Variants in PLCL1 observed in about 807,000 individuals in gnomAD.
PLCL1 encodes phospholipase C like 1 (inactive), also known as inactive phospholipase C-like protein 1.
Under a neutral mutation model 84.4 loss-of-function variants are expected in PLCL1, and 41 were observed. The ratio of observed to expected loss-of-function variants is 0.49; its 90% CI spans 0.38 to 0.63. The LOEUF (loss-of-function observed/expected upper bound fraction) is 0.63. Ranked by LOEUF, PLCL1 falls within the 30% of genes least tolerant of loss-of-function variation. PLCL1 has a pLI of 0.00. For missense variants in PLCL1, 1,206 were observed against 1,367.8 expected (o/e 0.88, Z 1.87); for synonymous variants, 490 against 488.3 (o/e 1.00, Z -0.05).
At chr2:197,892,524 G>C (rs181805426) in intron 1 of PLCL1, among the ~76,000 whole-genome samples, 1 of 152,304 alleles carries the variant, frequency 6.6e-6, no homozygotes, top group Non-Finnish European at 1.5e-5. Context: ...TAGAGAAATA[G>C]CTTCAAGCAA....
intron 3 of PLCL1, among the ~76,000 whole-genome samples, chr2:198,091,048 A>G (rs1485816189): frequency 2.6e-5 from 4 of 152,354 alleles, no homozygotes; most frequent in South Asian, 4.1e-4. Flanking sequence ...GCTACGGTGG[A>G]AGCAGAAATA....
At chr2:198,123,036 C>A (rs181004245) in intron 5 of PLCL1, among the ~76,000 whole-genome samples, 51 of 152,140 alleles carry the variant, frequency 3.4e-4, no homozygotes, top group Non-Finnish European at 5.0e-4. Flanking sequence ...GACAAGACTG[C>A]CCCACCTGGT....
At chr2:198,067,375 G>A (rs1005798189) in intron 1 of PLCL1, among the ~76,000 whole-genome samples, 12 of 151,892 alleles carry the variant, frequency 7.9e-5, no homozygotes, top group Non-Finnish European at 1.6e-4. Flanking sequence ...TGATCCACCC[G>A]CCTCGGCCTC....
intron 1 of PLCL1, among the ~76,000 whole-genome samples, chr2:197,816,164 C>T (rs1420260171): frequency 6.6e-6 from 1 of 152,012 alleles, no homozygotes; most frequent in Admixed American, 6.6e-5. Context: ...TTGCCACAGC[C>T]ACCCAAACCT....
chr2:197,854,581 TTA>T (rs1687297523), intron 1 of PLCL1, among the ~76,000 whole-genome samples: 1 of 152,214 alleles, frequency 6.6e-6, no homozygotes, highest in South Asian at 2.1e-4. Context: ...ATGCCATAAT[TTA>T]TGTTAACATT....
chr2:197,938,237 C>T (rs543105997), intron 1 of PLCL1, among the ~76,000 whole-genome samples: 1 of 152,240 alleles, frequency 6.6e-6, no homozygotes, highest in East Asian at 1.9e-4. Context: ...ATTGTACTTC[C>T]AAAGTGTATG....
chr2:198,041,630 A>G (rs1440086), intron 1 of PLCL1, among the ~76,000 whole-genome samples: 26,488 of 152,182 alleles, frequency 0.17, 2,367 homozygotes, highest in East Asian at 0.26. Flanking sequence ...TAAATGTTCA[A>G]CTGTGTAGTA....
chr2:198,063,966 C>G (rs540255856), intron 1 of PLCL1, among the ~76,000 whole-genome samples: 19 of 152,292 alleles, frequency 1.2e-4, no homozygotes, highest in South Asian at 4.1e-4. Context: ...GCTTTCACCT[C>G]TTAGGGCCCG....
At chr2:198,037,976 T>C (rs995986723) in intron 1 of PLCL1, among the ~76,000 whole-genome samples, 1 of 152,212 alleles carries the variant, frequency 6.6e-6, no homozygotes, top group African/African-American at 2.4e-5. Context: ...CTGAAATGTA[T>C]CATTTTTCAA....
intron 1 of PLCL1, among the ~76,000 whole-genome samples, chr2:197,806,717 AC>A (rs771150595): frequency 6.6e-6 from 1 of 152,224 alleles, no homozygotes; most frequent in South Asian, 2.1e-4. Context: ...AACTTAAAAA[AC>A]ATCACAATTA....
At chr2:198,090,901 C>T (rs1023096836) in intron 3 of PLCL1, among the ~76,000 whole-genome samples, 3 of 152,172 alleles carry the variant, frequency 2.0e-5, no homozygotes, top group Admixed American at 6.5e-5. Context: ...TTCACACCCC[C>T]GAGTGTCTGA....
At chr2:198,012,542 T>A (rs1298870550) in intron 1 of PLCL1, among the ~76,000 whole-genome samples, 2 of 151,954 alleles carry the variant, frequency 1.3e-5, no homozygotes, top group African/African-American at 4.8e-5. Flanking sequence ...AATTGGTGCA[T>A]TTAAGCTATT....
chr2:198,125,505 A>T (rs913916841), intron 5 of PLCL1, among the ~76,000 whole-genome samples: 1 of 152,192 alleles, frequency 6.6e-6, no homozygotes, highest in African/African-American at 2.4e-5. Context: ...AGCTGAAAGA[A>T]TTAAATTCAG....
chr2:197,918,971 TCA>T (rs1553502312), intron 1 of PLCL1, among the ~76,000 whole-genome samples: 1 of 144,552 alleles, frequency 6.9e-6, no homozygotes, highest in Non-Finnish European at 1.5e-5. Context: ...TCTCTCTCCC[TCA>T]CACACACACA....
chr2:197,886,474 C>CA (rs1351918826), intron 1 of PLCL1, among the ~76,000 whole-genome samples: 1 of 133,242 alleles, frequency 7.5e-6, no homozygotes, highest in Admixed American at 8.3e-5. Flanking sequence ...CAAATAGGTG[C>CA]ATCCCAGTTC....
chr2:198,069,019 A>G (rs1692401242), intron 1 of PLCL1, among the ~76,000 whole-genome samples: 1 of 152,126 alleles, frequency 6.6e-6, no homozygotes, highest in South Asian at 2.1e-4. Flanking sequence ...TGGGCGACAG[A>G]GTGAGACTCT....
chr2:197,831,122 T>C (rs1691049831), intron 1 of PLCL1, among the ~76,000 whole-genome samples: 1 of 152,110 alleles, frequency 6.6e-6, no homozygotes, highest in Admixed American at 6.6e-5. Flanking sequence ...ATGGGCAAAA[T>C]AACCAGCTAG....
At chr2:198,086,288 A>G in intron 2 of PLCL1, 56 bp downstream of exon 2, 2 of 1,219,770 alleles carry the variant, frequency 1.6e-6, no homozygotes, top group South Asian at 2.9e-5. Flanking sequence ...TACCCGTATA[A>G]TGTTTTATTA....
chr2:197,805,203 C>T lies in PLCL1; in HGVS notation c.104C>T (p.Thr35Met). ...VGPDAAGDCV[T>M]AASGGRMRDR... ...CCGGATGCCGCCGGGGACTGCGTGA[C>T]GGCGGCCTCTGGGGGCCGGATGAGG... Residue 35 changes from threonine to methionine, a missense_variant, in exon 1 of 6, where the codon ACG becomes ATG. By Grantham distance (81) the Thr-to-Met change is moderately conservative. Transcript: ENST00000428675. The surrounding 1 kb of genome is among the most constrained non-coding windows in gnomAD (Gnocchi z 4.0). 7.8e-7 allele frequency: 1 copy of T among 1,275,954 alleles called. No homozygotes were observed. Among genetic ancestry groups the T allele is most frequent in the Non-Finnish European group, 9.9e-7 (1 of 1,013,262 alleles). 79.0% of individuals were successfully genotyped at this position (1,275,954 alleles called of 1,614,324 possible).
Sources: gnomAD v4.1 joint callset for allele counts (sites outside exome capture counted in the v4.1 genomes callset) on GRCh38, gnomAD v4.1.1 for gene constraint, Gnocchi (gnomAD v3.1) non-coding constraint, MANE v1.5 for transcripts, NCBI Gene and HGNC (gene_info 2026-07-23, HGNC 2026-07-21) for gene names.